Variants in ABTB2 observed in about 807,000 individuals in gnomAD.
The protein encoded by ABTB2 is ankyrin repeat and BTB/POZ domain-containing protein 2.
In ABTB2, 56 loss-of-function variants were observed where a neutral mutation model predicts 104.1. The observed-to-expected ratio is 0.54, with a 90% CI of 0.43 to 0.67. ABTB2 has a LOEUF of 0.67. ABTB2 is among the 30% of genes least tolerant of loss of function. The pLI is 0.00. For synonymous variants in ABTB2, 606 were observed against 608.2 expected (o/e 1.00, Z 0.05); for missense variants, 1,279 against 1,407.7 (o/e 0.91, Z 1.46).
chr11:34,199,656 A>G (rs887279902), intron 2 of ABTB2, among the ~76,000 whole-genome samples: 3 of 152,032 alleles, frequency 2.0e-5, no homozygotes, highest in Non-Finnish European at 4.4e-5. Context: ...GCTCCCCCGG[A>G]GGTCAGCTTA....
At chr11:34,309,460 G>A (rs1854823247) in intron 1 of ABTB2, among the ~76,000 whole-genome samples, 1 of 152,124 alleles carries the variant, frequency 6.6e-6, no homozygotes, top group Non-Finnish European at 1.5e-5. Context: ...AGATATGAAC[G>A]GGCATTACCG....
At chr11:34,228,338 G>C (rs1853713707) in intron 1 of ABTB2, among the ~76,000 whole-genome samples, 1 of 117,066 alleles carries the variant, frequency 8.5e-6, no homozygotes, top group South Asian at 3.2e-4. Context: ...GGGATTACAG[G>C]CGTGAGCCAC....
chr11:34,357,326 C>A lies in ABTB2; in HGVS notation c.258G>T (p.Ser86=). ...CCAGCTCGGGGAGCCGCGGACAGCGCGAGAAGAGGTCGGCCACTTCGGGGT... is the reference window on the plus strand; with the variant it reads ...CCAGCTCGGGGAGCCGCGGACAGCGAGAGAAGAGGTCGGCCACTTCGGGGT... ...PEDPEVADLF[S]RCPRLPELEE... Residue 86 remains serine, a synonymous_variant, in exon 1 of 17, where the codon TCG becomes TCT. Transcript: ENST00000435224. 1 of 1,517,726 alleles carries A rather than the reference C, an allele frequency of 6.6e-7. No homozygotes were observed. The highest frequency in any genetic ancestry group is 8.9e-7 in the Non-Finnish European group (1 of 1,127,322). 94.0% of individuals were successfully genotyped at this position (1,517,726 alleles called of 1,614,324 possible). A position where few individuals can be genotyped will look rare whatever the true frequency, so the allele number is the denominator to read the frequency against.
chr11:34,165,704 G>A (rs1175816220), intron 7 of ABTB2, among the ~76,000 whole-genome samples: 1 of 152,238 alleles, frequency 6.6e-6, no homozygotes, highest in Non-Finnish European at 1.5e-5. Flanking sequence ...CGCAATCTAT[G>A]GTAAACCATG....
chr11:34,309,653 T>C (rs1854826511), intron 1 of ABTB2, among the ~76,000 whole-genome samples: 2 of 142,216 alleles, frequency 1.4e-5, no homozygotes, highest in African/African-American at 2.5e-5. Context: ...TAATGAGTTA[T>C]GAAGTTAAAA....
intron 2 of ABTB2, among the ~76,000 whole-genome samples, chr11:34,200,051 T>C (rs1462014480): frequency 6.6e-6 from 1 of 152,032 alleles, no homozygotes; most frequent in African/African-American, 2.4e-5. Context: ...GAAACTGGCC[T>C]CACAACCACC....
At chr11:34,289,739 A>G (rs1347354363) in intron 1 of ABTB2, among the ~76,000 whole-genome samples, 2 of 152,178 alleles carry the variant, frequency 1.3e-5, no homozygotes, top group African/African-American at 4.8e-5. Flanking sequence ...GGCAGGCTGG[A>G]CAGAGTGGGT....
At chr11:34,230,551 T>C (rs1003954971) in intron 1 of ABTB2, among the ~76,000 whole-genome samples, 3 of 152,120 alleles carry the variant, frequency 2.0e-5, no homozygotes, top group Non-Finnish European at 4.4e-5. Flanking sequence ...CTCTGGTAAG[T>C]TGACGATGGG....
chr11:34,343,553 C>T (rs1205286193), intron 1 of ABTB2, among the ~76,000 whole-genome samples: 1 of 152,084 alleles, frequency 6.6e-6, no homozygotes, highest in African/African-American at 2.4e-5. Flanking sequence ...GCGCTCACTG[C>T]AACCTCTGCC....
At chr11:34,351,942 AT>A (rs200425669) in intron 1 of ABTB2, among the ~76,000 whole-genome samples, 1 of 149,014 alleles carries the variant, frequency 6.7e-6, no homozygotes, top group African/African-American at 2.5e-5. Flanking sequence ...AGAAAAAAAA[AT>A]TTTTCATTTC....
At chr11:34,224,418 C>G (rs995214709) in intron 1 of ABTB2, among the ~76,000 whole-genome samples, 2 of 152,200 alleles carry the variant, frequency 1.3e-5, no homozygotes, top group African/African-American at 4.8e-5. Flanking sequence ...GTTGAGATTA[C>G]AGGCGTGGTG....
intron 3 of ABTB2, among the ~76,000 whole-genome samples, chr11:34,187,771 G>A (rs1205216642): frequency 3.3e-5 from 5 of 152,248 alleles, no homozygotes; most frequent in South Asian, 4.2e-4. Flanking sequence ...TTACAGGTGT[G>A]AGCCTCTCAT....
At chr11:34,222,065 C>A (rs541238026) in intron 1 of ABTB2, among the ~76,000 whole-genome samples, 1 of 152,106 alleles carries the variant, frequency 6.6e-6, no homozygotes, top group South Asian at 2.1e-4. Context: ...AACAAAACAA[C>A]AACAACAAAA....
At chr11:34,335,247 C>T in intron 1 of ABTB2, 1 of 1,300,638 alleles carries the variant, frequency 7.7e-7, no homozygotes, top group Non-Finnish European at 1.1e-6. Context: ...ACAGAGAATC[C>T]TAAATGTCGG....
Position 34,197,472 on chromosome 11 carries a change from G to C in ABTB2, c.1097C>G (p.Pro366Arg), listed in dbSNP as rs1283277392. The C allele has an allele frequency of 6.3e-7, 1 of 1,587,978 alleles. No homozygotes were observed. The change falls in exon 3 of 17, where the codon CCT (proline) becomes CGT (arginine). Residue 366 changes from proline (P) to arginine (R), a missense_variant. By Grantham distance (103) the Pro-to-Arg change is moderately radical (BLOSUM62 -2). Transcript: ENST00000435224. ...GRHPLCPGAS[P>R]ARQARQPPQP... is the part of the protein sequence containing the mutation. The stretch of plus-strand genomic sequence containing the variant: ...TGGCGGCTGGCGGGCCTGGCGGGCA[G>C]GGCTGGCACCCGGGCACAGGGGGTG...
At chr11:34,342,290 AC>A (rs1483108978) in intron 1 of ABTB2, among the ~76,000 whole-genome samples, 1 of 152,218 alleles carries the variant, frequency 6.6e-6, no homozygotes, top group Non-Finnish European at 1.5e-5. Context: ...CTGGCTGGCC[AC>A]CCTACTGGGC....
chr11:34,308,880 A>AAAAAAAAAAG (rs1260837172), intron 1 of ABTB2, among the ~76,000 whole-genome samples: 1 of 151,068 alleles, frequency 6.6e-6, no homozygotes, highest in African/African-American at 2.4e-5. Flanking sequence ...AAAAAAAAAA[A>AAAAAAAAAAG]AAAAAAAGAA....
chr11:34,353,056 T>C (rs1311828931), intron 1 of ABTB2, among the ~76,000 whole-genome samples: 2 of 152,192 alleles, frequency 1.3e-5, no homozygotes, highest in African/African-American at 2.4e-5. Context: ...AGCAAGACTC[T>C]GTCTCAAAAT....
intron 1 of ABTB2, among the ~76,000 whole-genome samples, chr11:34,276,968 C>T (rs1210378222): frequency 6.6e-6 from 1 of 152,166 alleles, no homozygotes; most frequent in Non-Finnish European, 1.5e-5. Flanking sequence ...ATGGTGTGAT[C>T]CCAGCTTACT....
Sources: allele counts gnomAD v4.1 joint callset (sites outside exome capture counted in the v4.1 genomes callset), GRCh38; gene constraint gnomAD v4.1.1; transcripts MANE v1.5; gene names NCBI Gene and HGNC (gene_info 2026-07-23, HGNC 2026-07-21).